The following ZNF586 variants were observed in gnomAD, a reference collection of about 807,000 sequenced individuals.
The protein encoded by ZNF586 is zinc finger protein 586.
Under a neutral mutation model 6.7 loss-of-function variants are expected in ZNF586, and 7 were observed. That is an observed-to-expected ratio of 1.04 (90% CI 0.59 to 1.95). The LOEUF (loss-of-function observed/expected upper bound fraction) is 1.95. Among genes scored for constraint, ZNF586 ranks in the 30% most tolerant of loss-of-function variants. ZNF586 has a pLI of 0.00. For synonymous variants in ZNF586, 166 were observed against 168.7 expected, an observed-to-expected ratio of 0.98 and a Z score of 0.12; for missense variants, 442 against 489.6, an observed-to-expected ratio of 0.90 and a Z score of 0.92.
intron 1 of ZNF586, among the ~76,000 whole-genome samples, chr19:57,773,631 A>G (rs909016143): frequency 4.6e-5 from 7 of 152,126 alleles, no homozygotes; most frequent in African/African-American, 1.7e-4. Flanking sequence ...AAGGGAGGAT[A>G]CATCTGACAG....
chr19:57,773,549 G>A (rs1960057605), intron 1 of ZNF586, among the ~76,000 whole-genome samples: 1 of 151,840 alleles, frequency 6.6e-6, no homozygotes, highest in Admixed American at 6.6e-5. Flanking sequence ...GATTATAGGT[G>A]CCTGCCACCA....
Position 57,779,383 on chromosome 19 carries a change from G to A in ZNF586, c.796G>A (p.Glu266Lys). 1 of 1,613,154 alleles carries A rather than the reference G, an allele frequency of 6.2e-7. No homozygotes were observed. Among genetic ancestry groups the A allele is most frequent in the Non-Finnish European group, 8.5e-7 (1 of 1,179,840 alleles). Residue 266 changes from glutamate to lysine, a missense_variant, in exon 3 of 3, where the codon GAG becomes AAG. Physicochemically the swap from Glu to Lys is moderately conservative, Grantham distance 56 (BLOSUM62 1). Transcript: ENST00000396154. ...AGGAGAAAGGCCTTATGAATGCGTTGAGTGTGGAAAATCATTTCGCCGAAG... is the reference window on the plus strand; with the variant it reads ...AGGAGAAAGGCCTTATGAATGCGTTAAGTGTGGAAAATCATTTCGCCGAAG... Reference protein sequence around the residue: ...HTGERPYECVECGKSFRRSSS... With the variant: ...HTGERPYECVKCGKSFRRSSS...
chr19:57,778,617 T>C, intron 2 of ZNF586, 134 bp from the exon 3 acceptor site: 1 of 778,648 alleles, frequency 1.3e-6, no homozygotes, highest in African/African-American at 1.7e-5. Flanking sequence ...AGCCCCAACC[T>C]CAACCTGAAC....
At chr19:57,777,544 C>A (rs936711866) in intron 2 of ZNF586, among the ~76,000 whole-genome samples, 3 of 152,030 alleles carry the variant, frequency 2.0e-5, no homozygotes, top group African/African-American at 7.3e-5. Context: ...ATAGAAGTAG[C>A]CCCACTTTAT....
chr19:57,770,995 A>G (rs1049902981), intron 1 of ZNF586, among the ~76,000 whole-genome samples: 1 of 151,730 alleles, frequency 6.6e-6, no homozygotes, highest in Non-Finnish European at 1.5e-5. Flanking sequence ...GGCTTTTTGT[A>G]TTTTTAGTAG....
At chr19:57,772,676 G>C (rs546990775) in intron 1 of ZNF586, among the ~76,000 whole-genome samples, 10 of 152,266 alleles carry the variant, frequency 6.6e-5, no homozygotes, top group African/African-American at 2.2e-4. Flanking sequence ...AGATGCATAA[G>C]GGGAAGCGAC....
Position 57,779,329 on chromosome 19 carries a change from A to G in ZNF586, c.742A>G (p.Ser248Gly), listed in dbSNP as rs770721053. 46 of 1,613,714 alleles carry G rather than the reference A, an allele frequency of 2.9e-5. No individual in the cohort carries two copies. The highest frequency in any genetic ancestry group is 3.5e-5 in the Non-Finnish European group (41 of 1,179,964). Residue 248 changes from serine to glycine, a missense_variant, in exon 3 of 3, where the codon AGT becomes GGT. Coordinates refer to ENST00000396154, the MANE Select transcript of ZNF586 (RefSeq NM_017652.4). ...ECGRSFAENS[S>G]LIKHLRVHTG... ...TGGGAGATCCTTTGCTGAAAACTCC[A>G]GTCTTATTAAACACTTGAGAGTTCA...
chr19:57,779,850 A>T lies in ZNF586; in HGVS notation c.*54A>T. The T allele has an allele frequency of 1.4e-6, 2 of 1,431,262 alleles. No individual in the cohort carries two copies. Among genetic ancestry groups the T allele is most frequent in the Non-Finnish European group, 1.9e-6 (2 of 1,050,834 alleles). The allele number at this position is 1,431,262 out of a possible 1,614,324, so 88.7% of individuals were successfully genotyped here. A position where few individuals can be genotyped will look rare whatever the true frequency, so the allele number is the denominator to read the frequency against. Reference sequence around the variant, plus strand: ...GCTTTTTGCTCCTTCAAGGCCAGAGAGTTCACACCAGATCAAGGTGTTATG... The same window carrying T: ...GCTTTTTGCTCCTTCAAGGCCAGAGTGTTCACACCAGATCAAGGTGTTATG... On this transcript the variant is annotated 3_prime_UTR_variant, in exon 3 of 3. Transcript: ENST00000396154.
chr19:57,778,036 G>T (rs1037298486), intron 2 of ZNF586, among the ~76,000 whole-genome samples: 7 of 150,024 alleles, frequency 4.7e-5, no homozygotes, highest in Admixed American at 1.3e-4. Context: ...GATTACAGGT[G>T]TGAGCCACCG....
chr19:57,778,568 G>A (rs771627407), intron 2 of ZNF586, among the ~76,000 whole-genome samples, 183 bp from the exon 3 acceptor site: 13 of 152,104 alleles, frequency 8.5e-5, no homozygotes, highest in Non-Finnish European at 1.8e-4. Context: ...TCATGCCCTT[G>A]ACAATATGAG....
intron 1 of ZNF586, among the ~76,000 whole-genome samples, chr19:57,773,446 C>T (rs922422998): frequency 6.7e-6 from 1 of 148,160 alleles, no homozygotes; most frequent in African/African-American, 2.5e-5. Context: ...CTTTGTCGCC[C>T]AGACTAGAGT....
intron 1 of ZNF586, among the ~76,000 whole-genome samples, chr19:57,772,497 ATGTTTTTTTTTTT>A (rs1987121000): frequency 1.1e-5 from 1 of 89,088 alleles, no homozygotes; most frequent in African/African-American, 6.7e-5. Context: ...AAGCCCCAGG[ATGTTTTTTTTTTT>A]TTACCTGTCC....
chr19:57,777,202 T>C (rs1987257790), intron 2 of ZNF586, among the ~76,000 whole-genome samples: 1 of 152,230 alleles, frequency 6.6e-6, no homozygotes, highest in African/African-American at 2.4e-5. Flanking sequence ...CAGGTCCTCA[T>C]CTCTAAAAAT....
Position 57,779,188 on chromosome 19 carries a change from T to G in ZNF586, c.601T>G (p.Ser201Ala), listed in dbSNP as rs1987316620. Residue 201 changes from serine (S) to alanine (A), a missense_variant, in exon 3 of 3, where the codon TCT becomes GCT. By Grantham distance (99) the Ser-to-Ala change is moderately conservative. Coordinates refer to ENST00000396154, the MANE Select transcript of ZNF586 (RefSeq NM_017652.4). ...TCTCATTAACCACAGGAAAGTTCAC[T>G]CTGGAGCAAAGCGTTATGAATGCAA... ...SSLINHRKVH[S>A]GAKRYECNEC... The G allele has an allele frequency of 6.2e-7, 1 of 1,612,994 alleles. No homozygotes were observed. Among genetic ancestry groups the G allele is most frequent in the African/African-American group, 1.3e-5 (1 of 74,514 alleles).
In ZNF586 at chr19:57,770,667, C is replaced by CA. The variant is rs2122550014; in HGVS notation, c.36+790dup. ...GACTCAGTCTGAAGTCATCTGGCTG[C>CA]AGGGCCAAAAAAAGCTTACAGAGAA... On this transcript the variant is annotated intron_variant, in intron 1 of 2. Transcript: ENST00000396154. 2.0e-5 allele frequency among the ~76,000 whole-genome samples: 3 copies of CA among 152,278 alleles called. No homozygotes were observed. The South Asian group carries it at 6.2e-4, about 32-fold the overall frequency.
At chr19:57,775,331 T>G (rs1987208352) in intron 1 of ZNF586, among the ~76,000 whole-genome samples, 1 of 151,932 alleles carries the variant, frequency 6.6e-6, no homozygotes, top group South Asian at 2.1e-4. Context: ...ACCCACAGAG[T>G]TACTCAAGCC....
rs1380038835 is a variant in ZNF586, at chr19:57,779,582, T to G, written c.995T>G (p.Leu332Arg). 1.9e-6 allele frequency: 3 copies of G among 1,613,236 alleles called. No individual in the cohort carries two copies. The highest frequency in any genetic ancestry group is 2.7e-5 in the African/African-American group (2 of 74,618). ...AAATCCTTTAGCCGAAAATCTAGCC[T>G]TATTATACATCTGAGAGTTCACACT... ...CGKSFSRKSS[L>R]IIHLRVHTGE... Residue 332 changes from leucine (L) to arginine (R), a missense_variant, in exon 3 of 3, where the codon CTT (leucine) becomes CGT (arginine). Leu to Arg is a moderately radical substitution (Grantham distance 102). Transcript: ENST00000396154.
rs761324776 is a variant in ZNF586 at position 57,779,114 on chromosome 19, G to A, written c.527G>A (p.Arg176Lys). The change falls in exon 3 of 3, where the codon AGG (arginine) becomes AAG (lysine). Residue 176 changes from arginine to lysine, a missense_variant. Coordinates refer to ENST00000396154, the MANE Select transcript of ZNF586 (RefSeq NM_017652.4). ...LQRQTLHTRE[R>K]PYECIECGKA... ...CGTCAGACACTTCACACTAGAGAAA[G>A]GCCTTATGAGTGTATTGAATGTGGG... 1.2e-6 allele frequency: 2 copies of A among 1,614,148 alleles called. No individual in the cohort carries two copies. The highest frequency in any genetic ancestry group is 1.7e-6 in the Non-Finnish European group (2 of 1,180,030).
At position 57,777,943 on chromosome 19, in the gene ZNF586, A is replaced by G. The variant is rs187261479; in HGVS notation, c.164-808A>G. 7.3e-5 allele frequency among the ~76,000 whole-genome samples: 11 copies of G among 150,512 alleles called. No individual in the cohort carries two copies. The East Asian group carries it at 1.4e-3, about 19-fold the overall frequency. On this transcript the variant is annotated intron_variant, in intron 2 of 2. Transcript: ENST00000396154. ...GCTAATTTTTGGGGTATTTTTAGTA[A>G]AGATAGGGTTTTACCATGCTGGCAA...
Sources: gnomAD v4.1 joint callset for allele counts (sites outside exome capture counted in the v4.1 genomes callset) on GRCh38, gnomAD v4.1.1 for gene constraint, MANE v1.5 for transcripts, NCBI Gene and HGNC (gene_info 2026-07-23, HGNC 2026-07-21) for gene names.